The following ELAPOR1 variants were observed in gnomAD, a reference collection of about 807,000 sequenced individuals.
The protein encoded by ELAPOR1 is endosome/lysosome-associated apoptosis and autophagy regulator 1.
ELAPOR1 carries 77 observed loss-of-function variants against 119.7 expected under a neutral mutation model. The observed-to-expected ratio is 0.64, with a 90% CI of 0.54 to 0.78. ELAPOR1 has a LOEUF of 0.78. Among genes scored for constraint, ELAPOR1 ranks in the 30% least tolerant of loss-of-function variants. ELAPOR1 has a pLI of 0.00. For synonymous variants in ELAPOR1, 481 were observed against 487.2 expected, an observed-to-expected ratio of 0.99 and a Z score of 0.17; for missense variants, 1,115 against 1,270.4, an observed-to-expected ratio of 0.88 and a Z score of 1.86.
chr1:109,147,838 TA>T (rs913014548), intron 1 of ELAPOR1, among the ~76,000 whole-genome samples: 2 of 151,630 alleles, frequency 1.3e-5, no homozygotes, highest in African/African-American at 4.8e-5. Context: ...ATTTGTTTTT[TA>T]TTTTTTTCGA....
chr1:109,129,834 A>T (rs1232119236), intron 1 of ELAPOR1, among the ~76,000 whole-genome samples: 2 of 152,226 alleles, frequency 1.3e-5, no homozygotes, highest in Non-Finnish European at 2.9e-5. Context: ...CACTAGTTAT[A>T]TTAGTTACCT....
chr1:109,183,216 A>G (rs922305005), intron 7 of ELAPOR1, among the ~76,000 whole-genome samples: 5 of 151,762 alleles, frequency 3.3e-5, no homozygotes, highest in Admixed American at 6.6e-5. Context: ...GTCAAGCACA[A>G]TGGCTCATGC....
chr1:109,140,558 A>G (rs1358670323), intron 1 of ELAPOR1, among the ~76,000 whole-genome samples: 1 of 152,214 alleles, frequency 6.6e-6, no homozygotes, highest in Non-Finnish European at 1.5e-5. Flanking sequence ...GGAAACCAGT[A>G]AGGAGGCTCC....
intron 1 of ELAPOR1, among the ~76,000 whole-genome samples, chr1:109,154,141 C>G (rs971561180): frequency 6.6e-6 from 1 of 151,370 alleles, no homozygotes; most frequent in Admixed American, 6.6e-5. Context: ...ATTAGCTGGG[C>G]ATGGTGGTGC....
intron 1 of ELAPOR1, among the ~76,000 whole-genome samples, chr1:109,148,935 C>T (rs1650354247): frequency 6.6e-6 from 1 of 152,142 alleles, no homozygotes; most frequent in Non-Finnish European, 1.5e-5. Flanking sequence ...GGTGACAAAG[C>T]CATTTCAATC....
chr1:109,167,962 T>C (rs905496413), intron 3 of ELAPOR1, among the ~76,000 whole-genome samples: 1 of 152,114 alleles, frequency 6.6e-6, no homozygotes, highest in Non-Finnish European at 1.5e-5. Context: ...CTAGATTCAA[T>C]GGCTACCAAT....
In ELAPOR1 at chr1:109,206,351, C is replaced by T. The variant is rs1478999330; in HGVS notation, c.*3339C>T. ...TTTTCTATGAACAAAGGCTTTAGTC[C>T]TTGACCCAGGGCTAAAGTGGTCTGT... is the stretch of plus-strand genomic sequence containing the variant. On this transcript the variant is annotated 3_prime_UTR_variant, in exon 22 of 22. Coordinates refer to ENST00000369939, the MANE Select transcript of ELAPOR1 (RefSeq NM_020775.5). 3.9e-5 allele frequency: 6 copies of T among 152,182 alleles called. No individual in the cohort carries two copies. In the East Asian group the frequency reaches 1.2e-3, roughly 29 times the overall value. 9.4% of individuals were successfully genotyped at this position (152,182 alleles called of 1,614,324 possible). A position where few individuals can be genotyped will look rare whatever the true frequency, so the allele number is the denominator to read the frequency against.
intron 8 of ELAPOR1, 100 bp downstream of exon 8, chr1:109,185,233 C>T: frequency 2.1e-6 from 2 of 935,934 alleles, no homozygotes; most frequent in Admixed American, 3.6e-5. Context: ...ATGACATTGG[C>T]ACTAGTTAAA....
chr1:109,154,989 T>A (rs1439909188), intron 1 of ELAPOR1, among the ~76,000 whole-genome samples: 1 of 152,030 alleles, frequency 6.6e-6, no homozygotes, highest in Non-Finnish European at 1.5e-5. Flanking sequence ...CAACTAAACC[T>A]CTTTGGGATG....
chr1:109,134,587 G>T (rs908510955), intron 1 of ELAPOR1, among the ~76,000 whole-genome samples: 1 of 152,180 alleles, frequency 6.6e-6, no homozygotes, highest in African/African-American at 2.4e-5. Context: ...GCAGTGCCCC[G>T]TTGGCCTACT....
chr1:109,151,753 G>C (rs1195517216), intron 1 of ELAPOR1, among the ~76,000 whole-genome samples: 1 of 152,126 alleles, frequency 6.6e-6, no homozygotes, highest in African/African-American at 2.4e-5. Context: ...AATGGAATCT[G>C]TTCTGGTCTG....
chr1:109,140,761 C>T lies in ELAPOR1; in HGVS notation c.154-21133C>T, dbSNP rs147525655. ...TCAGAGCAAAAGGACAATGCTGAGA[C>T]TGGTATTTTATTAAGTGTCCAGAAT... On this transcript the variant is annotated intron_variant, in intron 1 of 21. Transcript: ENST00000369939. Among the ~76,000 whole-genome samples, 348 of 152,258 alleles carry T rather than the reference C, an allele frequency of 2.3e-3. 3 individuals carry two copies. Among genetic ancestry groups the T allele is most frequent in the African/African-American group, 8.0e-3 (333 of 41,542 alleles).
intron 1 of ELAPOR1, among the ~76,000 whole-genome samples, chr1:109,115,902 T>C (rs1647965727): frequency 6.6e-6 from 1 of 152,230 alleles, no homozygotes; most frequent in African/African-American, 2.4e-5. Flanking sequence ...TATCAGTGAC[T>C]GGCTCACTGG....
At chr1:109,118,135 A>AAAAG (rs1349324226) in intron 1 of ELAPOR1, among the ~76,000 whole-genome samples, 11 of 152,188 alleles carry the variant, frequency 7.2e-5, no homozygotes, top group South Asian at 2.1e-4. Context: ...CTCAAAAAAA[A>AAAAG]AAAGAAAGAA....
At chr1:109,135,481 G>A (rs562781418) in intron 1 of ELAPOR1, among the ~76,000 whole-genome samples, 3 of 152,230 alleles carry the variant, frequency 2.0e-5, no homozygotes, top group Non-Finnish European at 4.4e-5. Flanking sequence ...CTGGCCTTGC[G>A]ATCCGCCCAC....
At chr1:109,141,402 C>T (rs934468921) in intron 1 of ELAPOR1, among the ~76,000 whole-genome samples, 8 of 151,902 alleles carry the variant, frequency 5.3e-5, no homozygotes, top group African/African-American at 1.9e-4. Flanking sequence ...GCTGGGACTA[C>T]AGGCGCCTGC....
At chr1:109,134,426 TG>T (rs1167785324) in intron 1 of ELAPOR1, among the ~76,000 whole-genome samples, 2 of 152,154 alleles carry the variant, frequency 1.3e-5, no homozygotes, top group Non-Finnish European at 2.9e-5. Flanking sequence ...CTCTCCCCTC[TG>T]GCTGGCATCT....
intron 1 of ELAPOR1, among the ~76,000 whole-genome samples, chr1:109,158,350 T>C (rs1222301063): frequency 6.9e-6 from 1 of 145,064 alleles, no homozygotes; most frequent in African/African-American, 2.6e-5. Flanking sequence ...GTCCATTCAA[T>C]ACCTAGACAG....
chr1:109,196,519 T>A (rs1332476942), intron 15 of ELAPOR1, among the ~76,000 whole-genome samples: 1 of 152,184 alleles, frequency 6.6e-6, no homozygotes. Flanking sequence ...TTTTATCTAC[T>A]CCTTTCCTGT....
Sources: allele counts gnomAD v4.1 joint callset (sites outside exome capture counted in the v4.1 genomes callset), GRCh38; gene constraint gnomAD v4.1.1; transcripts MANE v1.5; gene names NCBI Gene and HGNC (gene_info 2026-07-23, HGNC 2026-07-21).